The following HMGCLL1 variants were observed in gnomAD, a reference collection of about 807,000 sequenced individuals.
HMGCLL1 encodes 3-hydroxymethyl-3-methylglutaryl-CoA lyase, cytoplasmic.
A neutral mutation model predicts 39.1 loss-of-function variants in HMGCLL1; 36 were observed. The ratio of observed to expected loss-of-function variants is 0.92; its 90% CI spans 0.71 to 1.22. The LOEUF is 1.22. HMGCLL1 is among the 50% of genes most tolerant of loss of function. The pLI is 0.00. For synonymous variants in HMGCLL1, 149 were observed against 144.0 expected, an observed-to-expected ratio of 1.03 and a Z score of -0.25; for missense variants, 451 against 416.5, an observed-to-expected ratio of 1.08 and a Z score of -0.72.
rs1436647535 is a variant in HMGCLL1, at chr6:55,434,779, T to A, written c.*883A>T. 1.3e-5 allele frequency: 2 copies of A among 152,120 alleles called. No individual in the cohort carries two copies. The highest frequency in any genetic ancestry group is 4.8e-5 in the African/African-American group (2 of 41,448). The allele number at this position is 152,120 out of a possible 1,614,324, so 9.4% of individuals were successfully genotyped here. A position where few individuals can be genotyped will look rare whatever the true frequency, so the allele number is the denominator to read the frequency against. On this transcript the variant is annotated 3_prime_UTR_variant, in exon 9 of 9. Transcript: ENST00000274901. ...GAATAAAAGGAAAATGGGTATTTCA[T>A]TAACCTAAAATTATCTTAATATTCT... is the stretch of plus-strand genomic sequence containing the variant.
the HMGCLL1 span, among the ~76,000 whole-genome samples, chr6:55,656,252 T>A: frequency 6.6e-6 from 1 of 151,988 alleles, no homozygotes; most frequent in Admixed American, 6.6e-5. Flanking sequence ...TACCATACCC[T>A]CCTCCTAACC....
the HMGCLL1 span, among the ~76,000 whole-genome samples, chr6:55,635,325 G>C: frequency 6.6e-6 from 1 of 151,866 alleles, no homozygotes; most frequent in African/African-American, 2.4e-5. Context: ...AACATCCATC[G>C]GGTCAAGCCC....
chr6:55,594,341 C>T, the HMGCLL1 span, among the ~76,000 whole-genome samples: 101 of 152,250 alleles, frequency 6.6e-4, no homozygotes, highest in African/African-American at 2.4e-3. Flanking sequence ...CTAGTTTACA[C>T]GGTCTTGGTG....
At chr6:55,493,889 C>T (rs1210891201) in intron 7 of HMGCLL1, among the ~76,000 whole-genome samples, 2 of 151,976 alleles carry the variant, frequency 1.3e-5, no homozygotes, top group African/African-American at 4.8e-5. Context: ...CCCACCACCA[C>T]GCCTGGCTAA....
chr6:55,486,579 C>T (rs1027900124), intron 7 of HMGCLL1, among the ~76,000 whole-genome samples: 3 of 152,050 alleles, frequency 2.0e-5, no homozygotes, highest in Non-Finnish European at 4.4e-5. Context: ...ATGACATCCA[C>T]CTATTTTCCA....
the HMGCLL1 span, among the ~76,000 whole-genome samples, chr6:55,605,383 A>G: frequency 2.6e-5 from 4 of 151,618 alleles, no homozygotes; most frequent in East Asian, 1.9e-4. Context: ...ACTGCATCAC[A>G]GTACCTGTTT....
At chr6:55,444,011 G>A (rs1190707494) in intron 7 of HMGCLL1, among the ~76,000 whole-genome samples, 5 of 152,114 alleles carry the variant, frequency 3.3e-5, no homozygotes, top group Admixed American at 2.0e-4. Context: ...AGAGCTTCGA[G>A]GGTGCTGGTA....
Position 55,548,197 on chromosome 6 carries a change from C to T in HMGCLL1, c.109-6057G>A, listed in dbSNP as rs139613051. ...TTACTTTTTAGCAGTTTTTGAACAG[C>T]CAGAAGAGAAGTGGAGAATTGTGCT... is the stretch of plus-strand genomic sequence containing the variant. On this transcript the variant is annotated intron_variant, in intron 1 of 8. Transcript: ENST00000274901. 5.5e-3 allele frequency among the ~76,000 whole-genome samples: 843 copies of T among 152,048 alleles called. 4 individuals are homozygous for T. Among genetic ancestry groups the T allele is most frequent in the Non-Finnish European group, 7.1e-3 (484 of 67,910 alleles).
the HMGCLL1 span, among the ~76,000 whole-genome samples, chr6:55,652,704 T>C: frequency 1.3e-5 from 2 of 152,096 alleles, no homozygotes; most frequent in Non-Finnish European, 2.9e-5. Context: ...CAGGGAAATT[T>C]CATGGCCTTC....
intron 3 of HMGCLL1, among the ~76,000 whole-genome samples, chr6:55,517,831 T>C (rs1767825131): frequency 6.6e-6 from 1 of 152,118 alleles, no homozygotes; most frequent in Non-Finnish European, 1.5e-5. Context: ...AAATTTGAAA[T>C]TAAATACCTA....
chr6:55,588,457 G>T, the HMGCLL1 span, among the ~76,000 whole-genome samples: 1 of 151,964 alleles, frequency 6.6e-6, no homozygotes, highest in Non-Finnish European at 1.5e-5. Flanking sequence ...AAGCAGGAAA[G>T]ATCTAAAATT....
intron 1 of HMGCLL1, among the ~76,000 whole-genome samples, chr6:55,562,832 A>C (rs1039056021): frequency 6.6e-6 from 1 of 152,030 alleles, no homozygotes; most frequent in African/African-American, 2.4e-5. Flanking sequence ...TTCAGTTCTC[A>C]TTATACCAAT....
chr6:55,521,818 A>G (rs555427565), intron 3 of HMGCLL1, among the ~76,000 whole-genome samples: 76 of 152,182 alleles, frequency 5.0e-4, no homozygotes, highest in Non-Finnish European at 7.8e-4. Context: ...GAAGACTCAC[A>G]TATCTCTCAC....
At chr6:55,574,373 A>T (rs1771662903) in intron 1 of HMGCLL1, among the ~76,000 whole-genome samples, 2 of 151,896 alleles carry the variant, frequency 1.3e-5, no homozygotes, top group Non-Finnish European at 2.9e-5. Flanking sequence ...AAGTATATAG[A>T]AACAAAAACG....
the HMGCLL1 span, among the ~76,000 whole-genome samples, chr6:55,638,493 T>A: frequency 6.6e-6 from 1 of 151,604 alleles, no homozygotes; most frequent in African/African-American, 2.4e-5. Flanking sequence ...CAAAACTACC[T>A]CAAATGACAA....
At position 55,578,496 on chromosome 6, in the gene HMGCLL1, T is replaced by A. The variant is rs145944509; in HGVS notation, c.108+452A>T. On this transcript the variant is annotated intron_variant, in intron 1 of 8. Coordinates refer to ENST00000274901, the MANE Select transcript of HMGCLL1 (RefSeq NM_001042406.2). ...ATTAATGTTCTGATGGATTATTTCATCCTACTATGTCTTCTTAACCTTCTA... is the reference window on the plus strand; with the variant it reads ...ATTAATGTTCTGATGGATTATTTCAACCTACTATGTCTTCTTAACCTTCTA... Among the ~76,000 whole-genome samples, 17 of 152,338 alleles carry A rather than the reference T, an allele frequency of 1.1e-4. No individual in the cohort carries two copies. In the East Asian group the frequency reaches 3.1e-3, roughly 28 times the overall value.
chr6:55,657,994 C>A, the HMGCLL1 span, among the ~76,000 whole-genome samples: 1 of 151,678 alleles, frequency 6.6e-6, no homozygotes, highest in East Asian at 2.0e-4. Flanking sequence ...ATAATCTGTA[C>A]AACAAACCCC....
chr6:55,663,355 C>T, the HMGCLL1 span, among the ~76,000 whole-genome samples: 1 of 151,700 alleles, frequency 6.6e-6, no homozygotes. Context: ...ACTGATTTAG[C>T]TGTGACCCAG....
chr6:55,631,303 T>A, the HMGCLL1 span, among the ~76,000 whole-genome samples: 1 of 151,892 alleles, frequency 6.6e-6, no homozygotes, highest in African/African-American at 2.4e-5. Flanking sequence ...TTATGAAGAC[T>A]TTTTTTTATA....
Sources: allele counts gnomAD v4.1 joint callset (sites outside exome capture counted in the v4.1 genomes callset), GRCh38; gene constraint gnomAD v4.1.1; transcripts MANE v1.5; gene names NCBI Gene and HGNC (gene_info 2026-07-23, HGNC 2026-07-21).